Variants in KPNA5 observed in about 807,000 individuals in gnomAD.
KPNA5 encodes importin subunit alpha-6.
In KPNA5, 46 loss-of-function variants were observed where a neutral mutation model predicts 71.3. That is an observed-to-expected ratio of 0.65 (90% CI 0.51 to 0.83). KPNA5 has a LOEUF of 0.83. Among genes scored for constraint, KPNA5 ranks in the 40% least tolerant of loss-of-function variants. The pLI, the probability that KPNA5 is intolerant of heterozygous loss-of-function variation, is 0.00. For synonymous variants in KPNA5, 207 were observed against 201.4 expected, an observed-to-expected ratio of 1.03 and a Z score of -0.24; for missense variants, 547 against 628.3, an observed-to-expected ratio of 0.87 and a Z score of 1.38.
At chr6:116,685,784 T>C (rs950052587) in intron 1 of KPNA5, among the ~76,000 whole-genome samples, 13 of 152,222 alleles carry the variant, frequency 8.5e-5, no homozygotes, top group African/African-American at 2.9e-4. Flanking sequence ...ATGATTTATA[T>C]CCCTCTGGAT....
rs1002781064 is a variant in KPNA5, at chr6:116,739,048, G to A, written c.*6725G>A. ...AATAAAGGGTATTCAATTAGGAAAA[G>A]AGGAAATCAAATTGTCCCTGTTTGC... is the stretch of plus-strand genomic sequence containing the variant. On this transcript the variant is annotated 3_prime_UTR_variant, in exon 14 of 14. Transcript: ENST00000368564. 6.6e-6 allele frequency: 1 copy of A among 152,010 alleles called. No homozygotes were observed. Among genetic ancestry groups the A allele is most frequent in the Non-Finnish European group, 1.5e-5 (1 of 68,002 alleles). 9.4% of individuals were successfully genotyped at this position (152,010 alleles called of 1,614,324 possible).
intron 7 of KPNA5, among the ~76,000 whole-genome samples, chr6:116,714,148 T>G (rs1292344113): frequency 6.6e-6 from 1 of 152,244 alleles, no homozygotes; most frequent in Non-Finnish European, 1.5e-5. Context: ...GACTGATTAT[T>G]GTAACTATGG....
Position 116,735,087 on chromosome 6 carries a change from C to T in KPNA5, c.*2764C>T, listed in dbSNP as rs966279014. On this transcript the variant is annotated 3_prime_UTR_variant, in exon 14 of 14. Transcript: ENST00000368564. ...CTTTTTACTGTGTTTTATTTCAAAA[C>T]GTTGTTTTAAGTGATAGTGTCCTTA... The T allele has an allele frequency of 1.3e-5, 2 of 151,634 alleles. No individual in the cohort carries two copies. Among genetic ancestry groups the T allele is most frequent in the Admixed American group, 6.6e-5 (1 of 15,164 alleles). 9.4% of individuals were successfully genotyped at this position (151,634 alleles called of 1,614,324 possible).
chr6:116,704,211 G>C (rs755227013), intron 6 of KPNA5, among the ~76,000 whole-genome samples: 63 of 152,008 alleles, frequency 4.1e-4, no homozygotes, highest in Admixed American at 1.3e-4. Flanking sequence ...GCTAGTTTTT[G>C]TATTTTTAGT....
At chr6:116,695,472 G>A (rs905114267) in intron 4 of KPNA5, among the ~76,000 whole-genome samples, 24 of 151,902 alleles carry the variant, frequency 1.6e-4, no homozygotes, top group African/African-American at 5.6e-4. Flanking sequence ...TAATTTTATG[G>A]GATTGTATAT....
intron 1 of KPNA5, among the ~76,000 whole-genome samples, chr6:116,681,739 GA>G (rs1777365207): frequency 6.6e-6 from 1 of 152,112 alleles, no homozygotes; most frequent in Non-Finnish European, 1.5e-5. Context: ...CCAAAGAAGA[GA>G]CAGGTTCCAT....
chr6:116,716,356 A>G (rs768315198), intron 8 of KPNA5, 38 bp downstream of exon 8: 2 of 1,390,464 alleles, frequency 1.4e-6, no homozygotes, highest in South Asian at 2.4e-5. Context: ...ATTTGTTTCC[A>G]TAAACCTAAG....
intron 6 of KPNA5, among the ~76,000 whole-genome samples, chr6:116,703,343 A>T (rs1240472646): frequency 6.6e-6 from 1 of 151,702 alleles, no homozygotes; most frequent in Non-Finnish European, 1.5e-5. Context: ...GCTCACTGCA[A>T]CTTCCACCTT....
At chr6:116,681,611 G>A in intron 1 of KPNA5, 2 of 1,059,778 alleles carry the variant, frequency 1.9e-6, no homozygotes, top group Non-Finnish European at 2.4e-6. Flanking sequence ...TCTCATCTTC[G>A]CCGCCCCGCC....
intron 4 of KPNA5, among the ~76,000 whole-genome samples, chr6:116,694,597 G>C (rs1406765103): frequency 6.6e-6 from 1 of 152,164 alleles, no homozygotes. Context: ...TGTATCCTGA[G>C]AGTTTGCTGA....
chr6:116,725,162 T>C (rs1779246987), intron 10 of KPNA5, among the ~76,000 whole-genome samples: 1 of 152,202 alleles, frequency 6.6e-6, no homozygotes, highest in Non-Finnish European at 1.5e-5. Flanking sequence ...CAGTTGGATT[T>C]CCAGTGCACT....
chr6:116,715,818 C>T (rs568153527), intron 7 of KPNA5, among the ~76,000 whole-genome samples: 4 of 151,582 alleles, frequency 2.6e-5, no homozygotes, highest in East Asian at 2.0e-4. Context: ...TGGGAGGCTG[C>T]GGCAGGAGAA....
intron 9 of KPNA5, 105 bp downstream of exon 9, chr6:116,722,394 A>G: frequency 2.1e-6 from 2 of 975,278 alleles, no homozygotes; most frequent in Non-Finnish European, 2.8e-6. Context: ...CTTCAGGGAA[A>G]ATTAAAAAGC....
rs575015736 is a variant in KPNA5, at chr6:116,681,531, C to T, written c.4+193C>T. ...GCGGGGGCGTGGCAGCCGGACCTTT[C>T]CCTTGCGGACGCGAAGGCGTGGTGA... On this transcript the variant is annotated intron_variant, in intron 1 of 13. Coordinates refer to ENST00000368564, the MANE Select transcript of KPNA5 (RefSeq NM_001366306.2). 16 of 1,349,198 alleles carry T rather than the reference C, an allele frequency of 1.2e-5. No individual in the cohort carries two copies. The South Asian group carries it at 2.9e-4, about 24-fold the overall frequency. 83.6% of individuals were successfully genotyped at this position (1,349,198 alleles called of 1,614,324 possible).
At chr6:116,700,778 G>A (rs1428670027) in intron 5 of KPNA5, among the ~76,000 whole-genome samples, 2 of 152,176 alleles carry the variant, frequency 1.3e-5, no homozygotes, top group Admixed American at 6.5e-5. Context: ...CAGAGGTGTT[G>A]GCACTGTTGT....
At position 116,735,652 on chromosome 6, in the gene KPNA5, G is replaced by A. The variant is rs1490600468; in HGVS notation, c.*3329G>A. 1 of 151,642 alleles carries A rather than the reference G, an allele frequency of 6.6e-6. No homozygotes were observed. Among genetic ancestry groups the A allele is most frequent in the Non-Finnish European group, 1.5e-5 (1 of 67,734 alleles). 9.4% of individuals were successfully genotyped at this position (151,642 alleles called of 1,614,324 possible). On this transcript the variant is annotated 3_prime_UTR_variant, in exon 14 of 14. Transcript: ENST00000368564. ...ATTTTAAAATTGCATTTATATAAAT[G>A]TGTCCATTTCATTTTTTCTTAAGAT...
intron 8 of KPNA5, among the ~76,000 whole-genome samples, chr6:116,720,029 G>A (rs1779044537): frequency 6.6e-6 from 1 of 152,076 alleles, no homozygotes. Flanking sequence ...ACATTTTGTT[G>A]TCCAGTTTCT....
intron 7 of KPNA5, among the ~76,000 whole-genome samples, chr6:116,710,893 A>ATAT (rs1302327650): frequency 1.0e-4 from 9 of 86,738 alleles, no homozygotes; most frequent in East Asian, 7.3e-4. Flanking sequence ...ATATATATAT[A>ATAT]TTTTTTTTTT....
intron 7 of KPNA5, among the ~76,000 whole-genome samples, chr6:116,713,678 T>G (rs568684111): frequency 6.6e-6 from 1 of 152,332 alleles, no homozygotes; most frequent in South Asian, 2.1e-4. Flanking sequence ...ATTGGTATGC[T>G]TGATGGTATT....
Sources: allele counts gnomAD v4.1 joint callset (sites outside exome capture counted in the v4.1 genomes callset), GRCh38; gene constraint gnomAD v4.1.1; transcripts MANE v1.5; gene names NCBI Gene and HGNC (gene_info 2026-07-23, HGNC 2026-07-21).